Variants in NLGN1 observed in about 807,000 individuals in gnomAD.
The protein encoded by NLGN1 is neuroligin 1, also known as neuroligin-1.
NLGN1 carries 12 observed loss-of-function variants against 65.5 expected under a neutral mutation model. The observed-to-expected ratio is 0.18, with a 90% CI of 0.12 to 0.30. The LOEUF (loss-of-function observed/expected upper bound fraction) is 0.30. Among genes scored for constraint, NLGN1 ranks in the 10% least tolerant of loss-of-function variants. NLGN1 has a pLI of 1.00. For missense variants in NLGN1, 750 were observed against 1,007.1 expected (o/e 0.74, Z 3.46); for synonymous variants, 350 against 359.5 (o/e 0.97, Z 0.30).
chr3:173,736,290 T>C (rs1354724987), intron 3 of NLGN1, among the ~76,000 whole-genome samples: 2 of 152,124 alleles, frequency 1.3e-5, no homozygotes, highest in Non-Finnish European at 1.5e-5. Flanking sequence ...TGCTGATTGA[T>C]TTCTGTGCGT....
At chr3:173,585,218 C>G (rs986080648) in intron 2 of NLGN1, among the ~76,000 whole-genome samples, 2 of 152,170 alleles carry the variant, frequency 1.3e-5, no homozygotes, top group South Asian at 4.2e-4. Context: ...GTTTTTGTGG[C>G]GTCGGTGGGG....
chr3:173,706,385 A>G lies in NLGN1; in HGVS notation c.493+101294A>G, dbSNP rs552646526. 1.8e-4 allele frequency among the ~76,000 whole-genome samples: 27 copies of G among 152,318 alleles called. No individual in the cohort carries two copies. The South Asian group carries it at 1.9e-3, about 11-fold the overall frequency. ...TAGACTTTTCAAATTATTTTAGTAT[A>G]AACACTATCATAACAAATATTCTTA... is the stretch of plus-strand genomic sequence containing the variant. On this transcript the variant is annotated intron_variant, in intron 3 of 6. Coordinates refer to ENST00000457714, the Ensembl canonical transcript of NLGN1.
In NLGN1 at chr3:174,013,663, C is replaced by T. The variant is rs548637374; in HGVS notation, c.646+205831C>T. Among the ~76,000 whole-genome samples the T allele has an allele frequency of 5.6e-4, 85 of 152,232 alleles. 3 individuals are homozygous for T. In the South Asian group the frequency reaches 0.017, roughly 31 times the overall value. On this transcript the variant is annotated intron_variant, in intron 4 of 6. Transcript: ENST00000457714. ...ACCAGAGAAAACATTAGATAAATAT[C>T]GACTTTTCTCTTGTCATTTTGAGTC... is the stretch of plus-strand genomic sequence containing the variant.
In NLGN1 at chr3:174,280,060, T is replaced by C. The variant is rs1044664807; in HGVS notation, c.1649+410T>C. Reference sequence around the variant, plus strand: ...TACAAGAAGGAGACCTGAGGCTCTGTGAGTGTCATAGAGATGTTCACATGT... The same window carrying C: ...TACAAGAAGGAGACCTGAGGCTCTGCGAGTGTCATAGAGATGTTCACATGT... On this transcript the variant is annotated intron_variant, in intron 6 of 6. Transcript: ENST00000457714. This position sits in a 1 kb window ranked among gnomAD's most constrained non-coding sequence, Gnocchi z 4.9. Among the ~76,000 whole-genome samples, 2 of 152,006 alleles carry C rather than the reference T, an allele frequency of 1.3e-5. No homozygotes were observed. The highest frequency in any genetic ancestry group is 4.8e-5 in the African/African-American group (2 of 41,442).
intron 1 of NLGN1, among the ~76,000 whole-genome samples, chr3:173,429,734 T>C (rs533733734): frequency 6.6e-6 from 1 of 152,294 alleles, no homozygotes; most frequent in East Asian, 1.9e-4. Flanking sequence ...TTGCTCAGAT[T>C]TGCCACAGTT....
chr3:174,055,957 C>T (rs924292719), intron 4 of NLGN1, among the ~76,000 whole-genome samples: 3 of 151,568 alleles, frequency 2.0e-5, no homozygotes, highest in African/African-American at 7.3e-5. Flanking sequence ...TGTCTCTGTC[C>T]TAGTAGAATC....
intron 4 of NLGN1, among the ~76,000 whole-genome samples, chr3:173,820,296 G>T (rs781471218): frequency 1.3e-5 from 2 of 149,458 alleles, no homozygotes; most frequent in Non-Finnish European, 3.0e-5. Flanking sequence ...AGACTATAAT[G>T]CATGAAAGCT....
At chr3:174,156,993 T>C (rs1241423881) in intron 4 of NLGN1, among the ~76,000 whole-genome samples, 2 of 149,282 alleles carry the variant, frequency 1.3e-5, no homozygotes, top group East Asian at 3.9e-4. Context: ...TATGTATATT[T>C]ATATATATAA....
intron 1 of NLGN1, among the ~76,000 whole-genome samples, chr3:173,431,803 A>C (rs1717216339): frequency 6.6e-6 from 1 of 152,156 alleles, no homozygotes; most frequent in African/African-American, 2.4e-5. Flanking sequence ...ATGTATCATG[A>C]TATATGCCCA....
intron 2 of NLGN1, among the ~76,000 whole-genome samples, chr3:173,553,979 T>G (rs1741308083): frequency 6.6e-6 from 1 of 152,204 alleles, no homozygotes; most frequent in Non-Finnish European, 1.5e-5. Flanking sequence ...CAAGGATAAG[T>G]TGATTAAGAT....
At chr3:173,964,293 G>A (rs1327430403) in intron 4 of NLGN1, among the ~76,000 whole-genome samples, 2 of 152,146 alleles carry the variant, frequency 1.3e-5, no homozygotes, top group African/African-American at 2.4e-5. Flanking sequence ...ACACAAAGTC[G>A]TGCAGTTCAT....
intron 3 of NLGN1, among the ~76,000 whole-genome samples, chr3:173,691,343 A>G (rs985660974): frequency 2.0e-5 from 3 of 151,900 alleles, no homozygotes; most frequent in Admixed American, 6.6e-5. Flanking sequence ...CATCCTCTGC[A>G]TTTATTGCTT....
rs573087771 is a variant in NLGN1, at chr3:173,499,960, A to T, written c.-321+64882A>T. On this transcript the variant is annotated intron_variant, in intron 2 of 6. Coordinates refer to ENST00000457714, the Ensembl canonical transcript of NLGN1. ...TCAGCTTAAGATTTTGGGCTGAGAA[A>T]TGGGGTTTTCTAGATATACAATCAT... Among the ~76,000 whole-genome samples, 12 of 151,876 alleles carry T rather than the reference A, an allele frequency of 7.9e-5. 1 individual carries two copies. The highest frequency in any genetic ancestry group is 2.9e-4 in the African/African-American group (12 of 41,180).
At chr3:173,811,261 C>G (rs913857717) in intron 4 of NLGN1, among the ~76,000 whole-genome samples, 2 of 151,850 alleles carry the variant, frequency 1.3e-5, no homozygotes, top group Non-Finnish European at 2.9e-5. Context: ...TTATAATCAT[C>G]TTAGAAATGT....
intron 2 of NLGN1, among the ~76,000 whole-genome samples, chr3:173,436,357 G>C (rs1718135522): frequency 6.6e-6 from 1 of 152,092 alleles, no homozygotes; most frequent in Non-Finnish European, 1.5e-5. Context: ...GTTTATTCTG[G>C]TTAGTGGCTC....
intron 2 of NLGN1, among the ~76,000 whole-genome samples, chr3:173,545,372 C>A (rs1053396270): frequency 6.6e-5 from 10 of 151,942 alleles, no homozygotes; most frequent in Non-Finnish European, 5.9e-5. Flanking sequence ...CCATGCCTGG[C>A]CCTCGGTAAA....
At chr3:173,457,823 A>G (rs1224974298) in intron 2 of NLGN1, among the ~76,000 whole-genome samples, 1 of 152,150 alleles carries the variant, frequency 6.6e-6, no homozygotes, top group African/African-American at 2.4e-5. Context: ...TCTTTGGTTT[A>G]GACAGCTAGG....
chr3:173,582,128 TC>T (rs1467478751), intron 2 of NLGN1, among the ~76,000 whole-genome samples: 2 of 152,116 alleles, frequency 1.3e-5, no homozygotes, highest in Non-Finnish European at 2.9e-5. Flanking sequence ...TTCCGCAACA[TC>T]CTTTGTTGTT....
intron 4 of NLGN1, among the ~76,000 whole-genome samples, chr3:173,965,007 T>C (rs913557466): frequency 6.6e-6 from 1 of 152,194 alleles, no homozygotes; most frequent in Non-Finnish European, 1.5e-5. Context: ...TGAATAGTGG[T>C]ATTCTGAAAT....
Sources: allele counts gnomAD v4.1 joint callset (sites outside exome capture counted in the v4.1 genomes callset), GRCh38; gene constraint gnomAD v4.1.1; non-coding constraint Gnocchi (gnomAD v3.1); transcripts MANE v1.5; gene names NCBI Gene and HGNC (gene_info 2026-07-23, HGNC 2026-07-21).